FRMPD1: variants seen among roughly 807,000 people sequenced by gnomAD.
The protein encoded by FRMPD1 is FERM and PDZ domain containing 1.
Under a neutral mutation model 117.8 loss-of-function variants are expected in FRMPD1, and 76 were observed. That is an observed-to-expected ratio of 0.65 (90% confidence interval 0.54 to 0.78). The LOEUF (loss-of-function observed/expected upper bound fraction) is 0.78, where lower values mean the gene tolerates loss of function less well. Ranked by LOEUF, FRMPD1 falls within the 30% of genes least tolerant of loss-of-function variation. The probability of loss-of-function intolerance (pLI) is 0.00; values close to 1 mark genes in which losing one functional copy is unlikely to be tolerated. For synonymous variants in FRMPD1, 783 were observed against 770.4 expected (o/e 1.02, Z -0.27); for missense variants, 1,786 against 1,964.5 (o/e 0.91, Z 1.72).
chr9:37,678,251 C>CTTTTTTTTTTTTTTTTTTTTT (rs34040451), intron 1 of FRMPD1, among the ~76,000 whole-genome samples: 1 of 79,822 alleles, frequency 1.3e-5, no homozygotes, highest in Non-Finnish European at 2.3e-5. Flanking sequence ...GTACTTACCA[C>CTTTTTTTTTTTTTTTTTTTTT]TTTTTTTTTT....
At chr9:37,718,437 CA>C (rs1823244700) in intron 5 of FRMPD1, among the ~76,000 whole-genome samples, 2 of 152,220 alleles carry the variant, frequency 1.3e-5, no homozygotes, top group African/African-American at 4.8e-5. Flanking sequence ...TGCTATTCAG[CA>C]AGTGTCACAA....
At chr9:37,704,335 G>C (rs1356892952) in intron 2 of FRMPD1, among the ~76,000 whole-genome samples, 3 of 152,080 alleles carry the variant, frequency 2.0e-5, no homozygotes, top group Admixed American at 2.0e-4. Context: ...TTAACTACGA[G>C]TTGAAATGAT....
intron 4 of FRMPD1, among the ~76,000 whole-genome samples, chr9:37,709,505 C>T (rs1204677589): frequency 1.3e-5 from 2 of 150,938 alleles, no homozygotes; most frequent in Admixed American, 6.6e-5. Context: ...CAATGGGCCA[C>T]GATTGTACCA....
upstream of FRMPD1, among the ~76,000 whole-genome samples, chr9:37,647,503 T>G (rs1382169053): frequency 1.5e-5 from 2 of 136,812 alleles, no homozygotes; most frequent in Non-Finnish European, 3.1e-5. Flanking sequence ...AGAGCGAGAC[T>G]CCGTTTCAAA....
chr9:37,707,444 G>T lies in FRMPD1; in HGVS notation c.130G>T (p.Ala44Ser), dbSNP rs2296556. The change falls in exon 3 of 16, where the codon GCC (alanine) becomes TCC (serine). Residue 44 changes from alanine (A) to serine (S), a missense_variant. Physicochemically the swap from Ala to Ser is moderately conservative, Grantham distance 99. Transcript: ENST00000377765. ...RAKVAAADGP[A>S]RNPTQTLIPV... ...TAAAGTTGCTGCAGCTGATGGGCCC[G>T]CCAGGAACCCAACTCAGACCCTCAT... is the stretch of plus-strand genomic sequence containing the variant. 1 of 1,613,630 alleles carries T rather than the reference G, an allele frequency of 6.2e-7. No individual in the cohort carries two copies. Among genetic ancestry groups the T allele is most frequent in the Admixed American group, 1.7e-5 (1 of 59,962 alleles).
chr9:37,728,808 CA>C (rs1474978677), intron 7 of FRMPD1, among the ~76,000 whole-genome samples: 1 of 151,762 alleles, frequency 6.6e-6, no homozygotes, highest in African/African-American at 2.4e-5. Context: ...ACTAAAAATA[CA>C]AAAATTAGCT....
chr9:37,743,608 C>T (rs976115377), intron 15 of FRMPD1, among the ~76,000 whole-genome samples: 1 of 128,478 alleles, frequency 7.8e-6, no homozygotes, highest in African/African-American at 2.9e-5. Context: ...GATTGGCTGG[C>T]GTGGACAGAG....
At chr9:37,629,937 A>C in the FRMPD1 span, among the ~76,000 whole-genome samples, 1 of 152,166 alleles carries the variant, frequency 6.6e-6, no homozygotes. Context: ...GTTCAATATC[A>C]GGGTGTCATC....
intron 2 of FRMPD1, among the ~76,000 whole-genome samples, chr9:37,696,962 A>C (rs2118067154): frequency 6.6e-6 from 1 of 151,364 alleles, no homozygotes; most frequent in Non-Finnish European, 1.5e-5. Context: ...AGGCATTACT[A>C]AACAAATTGA....
In FRMPD1 at chr9:37,697,454, C is replaced by T. The variant is rs112592148; in HGVS notation, c.101+4712C>T. Among the ~76,000 whole-genome samples the T allele has an allele frequency of 9.8e-3, 1,492 of 151,884 alleles. 25 individuals carry two copies. The highest frequency in any genetic ancestry group is 0.034 in the African/African-American group (1,414 of 41,414). ...TGGTGGCAGGCGCCTGTAGTCCCAG[C>T]TACTCAGGAGGCTGAGGCAGGAGAA... On this transcript the variant is annotated intron_variant, in intron 2 of 15. Transcript: ENST00000377765.
the FRMPD1 span, chr9:37,636,709 C>T: frequency 7.0e-6 from 11 of 1,569,974 alleles, no homozygotes; most frequent in Non-Finnish European, 7.7e-6. Flanking sequence ...CACCGCCAGC[C>T]GGCTTTACAG....
At chr9:37,659,868 C>T (rs1301935766) in intron 1 of FRMPD1, among the ~76,000 whole-genome samples, 2 of 149,050 alleles carry the variant, frequency 1.3e-5, no homozygotes, top group Non-Finnish European at 1.5e-5. Flanking sequence ...GTGCTTTTCT[C>T]CACAAAGAGA....
the FRMPD1 span, chr9:37,636,569 G>T: frequency 1.4e-6 from 1 of 717,418 alleles, no homozygotes; most frequent in Non-Finnish European, 2.2e-6. Context: ...GGGGAGCCCA[G>T]GACACCCCAA....
At chr9:37,720,053 G>A (rs751244204) in intron 6 of FRMPD1, among the ~76,000 whole-genome samples, 1 of 152,034 alleles carries the variant, frequency 6.6e-6, no homozygotes, top group Non-Finnish European at 1.5e-5. Flanking sequence ...GGGGGTGGGG[G>A]CTAAGGCCAT....
the FRMPD1 span, among the ~76,000 whole-genome samples, chr9:37,621,569 G>T: frequency 7.3e-3 from 1,111 of 152,130 alleles, 10 homozygotes; most frequent in African/African-American, 0.025. Context: ...GCAGTTGGGG[G>T]CCCAGGGGAC....
At chr9:37,644,717 A>G in the FRMPD1 span, among the ~76,000 whole-genome samples, 8 of 152,192 alleles carry the variant, frequency 5.3e-5, no homozygotes, top group African/African-American at 1.9e-4. Context: ...ACCTCATACC[A>G]GTCGCTTGAA....
At chr9:37,640,493 C>T in the FRMPD1 span, among the ~76,000 whole-genome samples, 94 of 152,284 alleles carry the variant, frequency 6.2e-4, no homozygotes, top group African/African-American at 2.1e-3. Context: ...CATTAAGCTT[C>T]ATGGGAGGTG....
the FRMPD1 span, among the ~76,000 whole-genome samples, chr9:37,613,462 A>G: frequency 6.6e-6 from 1 of 152,246 alleles, no homozygotes; most frequent in Non-Finnish European, 1.5e-5. Context: ...TAATGGGAAT[A>G]TAATTATAAC....
intron 14 of FRMPD1, 37 bp downstream of exon 14, chr9:37,737,280 C>T: frequency 6.2e-7 from 1 of 1,605,416 alleles, no homozygotes; most frequent in Non-Finnish European, 8.5e-7. Flanking sequence ...AGGACAGGCC[C>T]CTTTCACTGG....
Sources: gnomAD v4.1 joint callset for allele counts (sites outside exome capture counted in the v4.1 genomes callset) on GRCh38, gnomAD v4.1.1 for gene constraint, MANE v1.5 for transcripts, NCBI Gene and HGNC (gene_info 2026-07-23, HGNC 2026-07-21) for gene names.